The following GRK4 variants were observed in gnomAD, a reference collection of about 807,000 sequenced individuals.
GRK4 encodes the protein G protein-coupled receptor kinase 4, also known as G protein-coupled receptor kinase 2-like.
A neutral mutation model predicts 77.9 loss-of-function variants in GRK4; 73 were observed. The ratio of observed to expected loss-of-function variants is 0.94; its 90% CI spans 0.78 to 1.14. The LOEUF (loss-of-function observed/expected upper bound fraction) is 1.14, where lower values mean the gene tolerates loss of function less well. Among genes scored for constraint, GRK4 ranks in the 50% most tolerant of loss-of-function variants. The pLI, the probability that GRK4 is intolerant of heterozygous loss-of-function variation, is 0.00. For missense variants in GRK4, 729 were observed against 700.2 expected (o/e 1.04, Z -0.46); for synonymous variants, 257 against 254.4 (o/e 1.01, Z -0.10).
chr4:3,040,500 G>A, intron 15 of GRK4, 72 bp from the exon 16 acceptor site: 2 of 1,256,288 alleles, frequency 1.6e-6, no homozygotes, highest in South Asian at 2.8e-5. Flanking sequence ...GTTTGTAAAT[G>A]GTTGTCTGCA....
chr4:3,007,675 C>A, intron 5 of GRK4, 61 bp from the exon 6 acceptor site: 2 of 1,065,072 alleles, frequency 1.9e-6, no homozygotes, highest in South Asian at 1.6e-5. Flanking sequence ...TGCACTAAAA[C>A]ACACTTGTTT....
At chr4:2,997,919 A>AAT (rs1210120941) in intron 4 of GRK4, among the ~76,000 whole-genome samples, 1 of 151,874 alleles carries the variant, frequency 6.6e-6, no homozygotes, top group African/African-American at 2.4e-5. Flanking sequence ...AAAAAAAAAA[A>AAT]AAAAAAGTAA....
chr4:3,038,472 A>G lies in GRK4; in HGVS notation c.1642A>G (p.Arg548Gly). The G allele has an allele frequency of 6.2e-7, 1 of 1,614,162 alleles. No homozygotes were observed. The highest frequency in any genetic ancestry group is 8.5e-7 in the Non-Finnish European group (1 of 1,180,024). Residue 548 changes from arginine to glycine, a missense_variant, in exon 15 of 16, where the codon AGA becomes GGA. Transcript: ENST00000398052. ...LDKNIHTPVS[R>G]PNRGFFYRLF... ...CAAGAACATACATACCCCGGTTTCC[A>G]GACCAAACAGAGGCTTCTTCTATAG...
In GRK4 at chr4:2,965,210, T is replaced by C. The variant is rs1243346320; in HGVS notation, c.52+1088T>C. The C allele has an allele frequency of 8.7e-6, 6 of 693,346 alleles. No homozygotes were observed. In the African/African-American group the frequency reaches 1.1e-4, roughly 12 times the overall value. The allele number at this position is 693,346 out of a possible 1,614,324, so 42.9% of individuals were successfully genotyped here. A position where few individuals can be genotyped will look rare whatever the true frequency, so the allele number is the denominator to read the frequency against. ...GCTGGTGCGTACCTTAACATAAATA[T>C]CCTCCTGTTTTCACCCATGCTGGTC... On this transcript the variant is annotated intron_variant, in intron 1 of 15. Transcript: ENST00000398052.
At chr4:3,008,300 G>A (rs985207125) in intron 6 of GRK4, among the ~76,000 whole-genome samples, 1 of 152,172 alleles carries the variant, frequency 6.6e-6, no homozygotes, top group African/African-American at 2.4e-5. Context: ...GATGCAATGG[G>A]TGGGACCTGG....
chr4:3,004,347 T>C lies in GRK4; in HGVS notation c.443+13T>C. 6.7e-7 allele frequency: 1 copy of C among 1,484,478 alleles called. No homozygotes were observed. The highest frequency in any genetic ancestry group is 9.4e-7 in the Non-Finnish European group (1 of 1,062,148). The allele number at this position is 1,484,478 out of a possible 1,614,324, so 92.0% of individuals were successfully genotyped here. A position where few individuals can be genotyped will look rare whatever the true frequency, so the allele number is the denominator to read the frequency against. On this transcript the variant is annotated intron_variant, in intron 5 of 15. Coordinates refer to ENST00000398052, the MANE Select transcript of GRK4 (RefSeq NM_182982.3). ...AGGAATGTACTAGGTAAGTGGTTCA[T>C]GCTGAGCCCTGCATATATTATCTAT...
rs563179814 is a variant in GRK4 at position 2,994,267 on chromosome 4, G to A, written c.339+1975G>A. ...GCTCTGTTGTGCAGGTTGGAGTGCA[G>A]TGGCACGATCTTGGCTCACTGCAGC... On this transcript the variant is annotated intron_variant, in intron 4 of 15. Transcript: ENST00000398052. 1.9e-4 allele frequency among the ~76,000 whole-genome samples: 29 copies of A among 152,360 alleles called. No homozygotes were observed. The South Asian group carries it at 6.0e-3, about 32-fold the overall frequency.
In GRK4 at chr4:3,020,769, G is replaced by A. The variant is rs186131460; in HGVS notation, c.932+938G>A. ...AAGAGCTGTGAATCGAAAATATTCA[G>A]AAAATCCTGCTCAACAGGATGAAAG... On this transcript the variant is annotated intron_variant, in intron 9 of 15. Coordinates refer to ENST00000398052, the MANE Select transcript of GRK4 (RefSeq NM_182982.3). Among the ~76,000 whole-genome samples the A allele has an allele frequency of 2.9e-3, 435 of 151,030 alleles. 1 individual carries two copies. Among genetic ancestry groups the A allele is most frequent in the Non-Finnish European group, 4.7e-3 (319 of 67,740 alleles).
At chr4:3,005,460 A>G (rs35909590) in intron 5 of GRK4, among the ~76,000 whole-genome samples, 22,306 of 151,942 alleles carry the variant, frequency 0.15, 2,260 homozygotes, top group African/African-American at 0.29. Flanking sequence ...GTCCGAGCAT[A>G]GTGGGGCTGG....
At chr4:2,983,348 G>A (rs940950559) in intron 1 of GRK4, among the ~76,000 whole-genome samples, 20 of 152,212 alleles carry the variant, frequency 1.3e-4, no homozygotes, top group Non-Finnish European at 4.4e-5. Context: ...AAGCCATTAT[G>A]TTCTCCTGGA....
chr4:3,004,855 C>T (rs1578190532), intron 5 of GRK4, among the ~76,000 whole-genome samples: 1 of 151,864 alleles, frequency 6.6e-6, no homozygotes, highest in Non-Finnish European at 1.5e-5. Flanking sequence ...CTCCTGGCGT[C>T]TCAACCCGCA....
Position 2,997,055 on chromosome 4 carries a change from T to G in GRK4, c.339+4763T>G, listed in dbSNP as rs1031489709. 5.3e-5 allele frequency among the ~76,000 whole-genome samples: 8 copies of G among 152,316 alleles called. No individual in the cohort carries two copies. In the South Asian group the frequency reaches 1.7e-3, roughly 32 times the overall value. On this transcript the variant is annotated intron_variant, in intron 4 of 15. Transcript: ENST00000398052. The stretch of plus-strand genomic sequence containing the variant: ...TCCTTGAGGTCACTTACTCAAATTT[T>G]AACAACCCATAATATTCAAAGTACC...
At chr4:2,999,960 A>G (rs781555912) in intron 4 of GRK4, among the ~76,000 whole-genome samples, 23 of 152,220 alleles carry the variant, frequency 1.5e-4, no homozygotes, top group Admixed American at 1.5e-3. Flanking sequence ...TTTTTAAAAT[A>G]GGAAAGTAAA....
rs891613546 is a variant in GRK4 at position 2,992,824 on chromosome 4, GA to G, written c.339+542del. 1.0e-4 allele frequency among the ~76,000 whole-genome samples: 15 copies of G among 147,796 alleles called. No homozygotes were observed. The East Asian group carries it at 1.2e-3, about 12-fold the overall frequency. On this transcript the variant is annotated intron_variant, in intron 4 of 15. Coordinates refer to ENST00000398052, the MANE Select transcript of GRK4 (RefSeq NM_182982.3). ...GGCAAAACCGCATTGCTACAAAAAA[GA>G]AAAAAAAAATTAGCTAAGCATGGTG...
intron 6 of GRK4, among the ~76,000 whole-genome samples, chr4:3,009,044 C>T (rs1732128376): frequency 6.6e-6 from 1 of 152,078 alleles, no homozygotes; most frequent in South Asian, 2.1e-4. Context: ...ATACATATTT[C>T]CTAGTGTTGG....
intron 12 of GRK4, among the ~76,000 whole-genome samples, chr4:3,029,683 G>A (rs1738613321): frequency 6.6e-6 from 1 of 152,060 alleles, no homozygotes; most frequent in African/African-American, 2.4e-5. Flanking sequence ...GGACACGCGT[G>A]TTCAGGAGGC....
chr4:2,963,623 A>G lies in GRK4; in HGVS notation c.-448A>G, dbSNP rs944921905. 2 of 393,574 alleles carry G rather than the reference A, an allele frequency of 5.1e-6. No homozygotes were observed. The highest frequency in any genetic ancestry group is 4.2e-5 in the African/African-American group (2 of 47,082). 24.4% of individuals were successfully genotyped at this position (393,574 alleles called of 1,614,324 possible). A position where few individuals can be genotyped will look rare whatever the true frequency, so the allele number is the denominator to read the frequency against. On this transcript the variant is annotated 5_prime_UTR_variant, in exon 1 of 16. Coordinates refer to ENST00000398052, the MANE Select transcript of GRK4 (RefSeq NM_182982.3). ...GCGCTCCCTCTTCAGCTAAGCCGTT[A>G]GCGCCGAGCCCGCCCGGGAGCGGGT...
intron 1 of GRK4, among the ~76,000 whole-genome samples, chr4:2,978,133 A>G (rs1267027513): frequency 6.6e-6 from 1 of 152,256 alleles, no homozygotes; most frequent in Non-Finnish European, 1.5e-5. Flanking sequence ...CCTAAAAGTC[A>G]GTTGCTGTAT....
chr4:3,001,313 G>A (rs1490568722), intron 4 of GRK4, among the ~76,000 whole-genome samples: 1 of 143,590 alleles, frequency 7.0e-6, no homozygotes, highest in Non-Finnish European at 1.5e-5. Context: ...ATATATGTGT[G>A]TGTGAGTACA....
Sources: allele counts gnomAD v4.1 joint callset (sites outside exome capture counted in the v4.1 genomes callset), GRCh38; gene constraint gnomAD v4.1.1; transcripts MANE v1.5; gene names NCBI Gene and HGNC (gene_info 2026-07-23, HGNC 2026-07-21).